The following ALPK2 variants were observed in gnomAD, a reference collection of about 807,000 sequenced individuals.
ALPK2 encodes the protein alpha kinase 2.
In ALPK2, 127 loss-of-function variants were observed where a neutral mutation model predicts 163.1. The ratio of observed to expected loss-of-function variants is 0.78; its 90% CI spans 0.67 to 0.90. ALPK2 has a LOEUF of 0.90. ALPK2 is among the 40% of genes least tolerant of loss of function. The pLI, the probability that ALPK2 is intolerant of heterozygous loss-of-function variation, is 0.00. For missense variants in ALPK2, 2,360 were observed against 2,589.6 expected, an observed-to-expected ratio of 0.91 and a Z score of 1.92; for synonymous variants, 953 against 959.1, an observed-to-expected ratio of 0.99 and a Z score of 0.12.
At chr18:58,505,864 T>G (rs2051459361) in intron 10 of ALPK2, among the ~76,000 whole-genome samples, 2 of 151,852 alleles carry the variant, frequency 1.3e-5, no homozygotes, top group Admixed American at 6.6e-5. Context: ...CTGGGCACAG[T>G]GGATCTCTCA....
At chr18:58,556,789 G>A (rs73447220) in intron 4 of ALPK2, among the ~76,000 whole-genome samples, 11,702 of 152,180 alleles carry the variant, frequency 0.077, 1,488 homozygotes, top group African/African-American at 0.26. Context: ...ACTGTCCTGT[G>A]TGAACCTGGA....
chr18:58,504,328 TTTG>T (rs1191396823), intron 10 of ALPK2, among the ~76,000 whole-genome samples, 180 bp from the exon 11 acceptor site: 1 of 152,212 alleles, frequency 6.6e-6, no homozygotes, highest in East Asian at 1.9e-4. Context: ...CTGTGTTTTA[TTTG>T]TTGTTATAAA....
chr18:58,606,351 A>G (rs2052097652), intron 3 of ALPK2, among the ~76,000 whole-genome samples: 1 of 152,218 alleles, frequency 6.6e-6, no homozygotes, highest in Non-Finnish European at 1.5e-5. Flanking sequence ...AAGTGCTGAG[A>G]TTGCAGGCAT....
intron 11 of ALPK2, among the ~76,000 whole-genome samples, chr18:58,500,834 G>A (rs966331543): frequency 1.3e-5 from 2 of 151,544 alleles, no homozygotes; most frequent in African/African-American, 4.9e-5. Flanking sequence ...TTTTTTGGGT[G>A]ACAGCTTGTT....
Position 58,607,462 on chromosome 18 carries a change from A to G in ALPK2, c.110-23T>C, listed in dbSNP as rs199874802. On this transcript the variant is annotated intron_variant, in intron 2 of 12. Coordinates refer to ENST00000361673, the MANE Select transcript of ALPK2 (RefSeq NM_052947.4). ...GACCTGACAATAAAGAAAGAAAAGT[A>G]TCCTTATTAGTTTAAGTATTTTTAG... 2.5e-3 allele frequency: 3,627 copies of G among 1,466,868 alleles called. 7 individuals are homozygous for G. The highest frequency in any genetic ancestry group is 3.0e-3 in the Non-Finnish European group (3,219 of 1,072,966). 90.9% of individuals were successfully genotyped at this position (1,466,868 alleles called of 1,614,324 possible). A position where few individuals can be genotyped will look rare whatever the true frequency, so the allele number is the denominator to read the frequency against.
At chr18:58,552,274 G>A (rs910185443) in intron 4 of ALPK2, among the ~76,000 whole-genome samples, 9 of 152,064 alleles carry the variant, frequency 5.9e-5, no homozygotes, top group Non-Finnish European at 1.2e-4. Context: ...AGGGGGCGGG[G>A]GAATATAATT....
chr18:58,538,515 GA>G (rs2051670522), intron 4 of ALPK2: 1 of 365,798 alleles, frequency 2.7e-6, no homozygotes, highest in Non-Finnish European at 4.9e-6. Context: ...TTAGGAAATA[GA>G]TGGAAATAAA....
intron 12 of ALPK2, among the ~76,000 whole-genome samples, chr18:58,492,693 T>C (rs920785686): frequency 3.3e-5 from 5 of 152,210 alleles, no homozygotes; most frequent in African/African-American, 1.2e-4. Flanking sequence ...CACCTGTCCC[T>C]GAGTCCTCAG....
intron 1 of ALPK2, among the ~76,000 whole-genome samples, chr18:58,628,430 G>A (rs774487005): frequency 1.1e-4 from 16 of 152,080 alleles, no homozygotes; most frequent in Non-Finnish European, 1.5e-4. Context: ...CATATCACTC[G>A]TTTGAGTCAT....
At chr18:58,560,052 GTGGTT>G (rs1004285127) in intron 4 of ALPK2, among the ~76,000 whole-genome samples, 25 of 152,172 alleles carry the variant, frequency 1.6e-4, no homozygotes, top group Admixed American at 1.1e-3. Flanking sequence ...GAGGAGTGAC[GTGGTT>G]TGGCTGTGTC....
intron 4 of ALPK2, chr18:58,566,342 T>G (rs2051852904): frequency 6.6e-6 from 1 of 152,324 alleles, no homozygotes; most frequent in Admixed American, 6.5e-5. Flanking sequence ...CTGTACTCTT[T>G]CCTCAGTTTG....
intron 2 of ALPK2, among the ~76,000 whole-genome samples, chr18:58,610,065 T>C (rs2052119804): frequency 6.6e-6 from 1 of 151,686 alleles, no homozygotes; most frequent in African/African-American, 2.4e-5. Context: ...CTTAGAAAAA[T>C]GGGATCAGAG....
At chr18:58,622,708 A>G (rs749570093) in intron 1 of ALPK2, among the ~76,000 whole-genome samples, 52 of 152,190 alleles carry the variant, frequency 3.4e-4, no homozygotes, top group Non-Finnish European at 6.0e-4. Flanking sequence ...CAGTCTAGGA[A>G]TGTGTCGTCA....
At chr18:58,613,003 G>C (rs2052141486) in intron 1 of ALPK2, among the ~76,000 whole-genome samples, 2 of 152,162 alleles carry the variant, frequency 1.3e-5, no homozygotes, top group African/African-American at 4.8e-5. Flanking sequence ...AGACACCTGA[G>C]CTAAGCTCTT....
At chr18:58,599,525 A>G (rs2052058383) in intron 3 of ALPK2, among the ~76,000 whole-genome samples, 1 of 152,220 alleles carries the variant, frequency 6.6e-6, no homozygotes, top group Non-Finnish European at 1.5e-5. Flanking sequence ...TTTCCATCTT[A>G]GCCAAGACAT....
intron 5 of ALPK2, among the ~76,000 whole-genome samples, chr18:58,530,536 A>G (rs1173766705): frequency 6.6e-6 from 1 of 152,164 alleles, no homozygotes; most frequent in East Asian, 1.9e-4. Flanking sequence ...GGTCTTTCCA[A>G]CACCATGCAG....
chr18:58,498,753 T>C (rs1371838231), intron 11 of ALPK2, among the ~76,000 whole-genome samples: 1 of 152,224 alleles, frequency 6.6e-6, no homozygotes, highest in East Asian at 1.9e-4. Context: ...CCTTTTCCCT[T>C]GGCTCTCATT....
chr18:58,569,566 C>G (rs1006087263), intron 4 of ALPK2, among the ~76,000 whole-genome samples: 2 of 152,116 alleles, frequency 1.3e-5, no homozygotes, highest in Middle Eastern at 3.2e-3. Flanking sequence ...CATTTCTAAC[C>G]AGCTGGTCCG....
chr18:58,609,269 C>T (rs765733494), intron 2 of ALPK2, among the ~76,000 whole-genome samples: 8 of 152,162 alleles, frequency 5.3e-5, no homozygotes, highest in Non-Finnish European at 1.2e-4. Context: ...GATAAATCCT[C>T]CAGTAGCTGC....
Sources: allele counts gnomAD v4.1 joint callset (sites outside exome capture counted in the v4.1 genomes callset), GRCh38; gene constraint gnomAD v4.1.1; transcripts MANE v1.5; gene names NCBI Gene and HGNC (gene_info 2026-07-23, HGNC 2026-07-21).